ZNF728: variants seen among roughly 807,000 people sequenced by gnomAD.
ZNF728 encodes zinc finger protein 728.
In ZNF728, 12 loss-of-function variants were observed where a neutral mutation model predicts 12.5. That is an observed-to-expected ratio of 0.96 (90% CI 0.61 to 1.55). The LOEUF is 1.55. Among genes scored for constraint, ZNF728 ranks in the 40% most tolerant of loss-of-function variants. The pLI is 0.00. For missense variants in ZNF728, 692 were observed against 719.2 expected (o/e 0.96, Z 0.43); for synonymous variants, 205 against 240.7 (o/e 0.85, Z 1.37).
chr19:22,981,186 A>C (rs1165242593), intron 3 of ZNF728, among the ~76,000 whole-genome samples: 1 of 152,174 alleles, frequency 6.6e-6, no homozygotes, highest in East Asian at 1.9e-4. Context: ...AATCAAAAAT[A>C]ATAAAGGGGA....
rs529499967 is a variant in ZNF728 at position 23,003,133 on chromosome 19, C to G, written c.-103G>C. On this transcript the variant is annotated 5_prime_UTR_variant, in exon 1 of 4. Transcript: ENST00000594710. ...GCCTTTAGGAGCGGACGACACACAG[C>G]AGTAAGGACGACACCTTGACCTCCG... 3 of 1,380,520 alleles carry G rather than the reference C, an allele frequency of 2.2e-6. No homozygotes were observed. In the South Asian group the frequency reaches 4.4e-5, roughly 20 times the overall value. 85.5% of individuals were successfully genotyped at this position (1,380,520 alleles called of 1,614,324 possible).
Position 22,976,016 on chromosome 19 carries a change from T to G in ZNF728, c.1321A>C (p.Lys441Gln), listed in dbSNP as rs1568273380. The G allele has an allele frequency of 6.3e-7, 1 of 1,590,210 alleles. No homozygotes were observed. Among genetic ancestry groups the G allele is most frequent in the Admixed American group, 1.7e-5 (1 of 59,300 alleles). ...KAFTTFSSLTKHKVIHTGEKH... is the reference protein window; with the variant it reads ...KAFTTFSSLTQHKVIHTGEKH... The stretch of plus-strand genomic sequence containing the variant: ...TCTCCAGTATGAATTACTTTATGTT[T>G]AGTAAGGCTCGAAAATGTAGTAAAG... The change falls in exon 4 of 4, where the codon AAA becomes CAA. Residue 441 changes from lysine (K) to glutamine (Q), a missense_variant. Lys to Gln is a moderately conservative substitution (Grantham distance 53). This residue lies in a region of ZNF728 where 244 missense variants were observed against 235.2 expected (regional missense o/e 1.04). Coordinates refer to ENST00000594710, the MANE Select transcript of ZNF728 (RefSeq NM_001267716.2).
At position 22,976,564 on chromosome 19, in the gene ZNF728, CA is replaced by C; in HGVS notation, c.772del (p.Cys258ValfsTer103). Reference protein sequence around the residue: ...VIHTGEKHYKCEECGKAFTRS... With the variant: ...VIHTGEKHYKXEECGKAFTRS... ...GGTGAAGGCTTTGCCACATTCTTCA[CA>C]TTTGTAATGTTTCTCTCCAGTATGA... On this transcript the variant is annotated frameshift_variant, in exon 4 of 4. Transcript: ENST00000594710. LOFTEE classifies it low-confidence loss of function (END_TRUNC). 1 of 1,611,306 alleles carries C rather than the reference CA, an allele frequency of 6.2e-7. No homozygotes were observed. Among genetic ancestry groups the C allele is most frequent in the Non-Finnish European group, 8.5e-7 (1 of 1,178,682 alleles).
Position 22,976,465 on chromosome 19 carries a change from T to A in ZNF728, c.872A>T (p.Lys291Ile), listed in dbSNP as rs1411045647. The change falls in exon 4 of 4, where the codon AAA becomes ATA. Residue 291 changes from lysine (K) to isoleucine (I), a missense_variant. Lys to Ile is a moderately radical substitution (Grantham distance 102). Coordinates refer to ENST00000594710, the MANE Select transcript of ZNF728 (RefSeq NM_001267716.2). The stretch of plus-strand genomic sequence containing the variant: ...AAGGGTTGAGGCCTTACTAAAGGCT[T>A]TGCCACATTCTTCACATTTGTAGGG... ...EKPYKCEECGKAFSKASTLTA... is the reference protein window; with the variant it reads ...EKPYKCEECGIAFSKASTLTA... 1 of 1,613,082 alleles carries A rather than the reference T, an allele frequency of 6.2e-7. No homozygotes were observed. Among genetic ancestry groups the A allele is most frequent in the East Asian group, 2.2e-5 (1 of 44,868 alleles).
rs1366370535 is a variant in ZNF728, at chr19:22,999,811, G to A, written c.3+3217C>T. ...TTCTAGGAGGTACCAAATTTCATCA[G>A]ATAAAATTTAGCATTAAACTCAGAA... is the stretch of plus-strand genomic sequence containing the variant. On this transcript the variant is annotated intron_variant, in intron 1 of 3. Coordinates refer to ENST00000594710, the MANE Select transcript of ZNF728 (RefSeq NM_001267716.2). Among the ~76,000 whole-genome samples, 13 of 152,172 alleles carry A rather than the reference G, an allele frequency of 8.5e-5. No individual in the cohort carries two copies. In the East Asian group the frequency reaches 2.5e-3, roughly 29 times the overall value.
chr19:22,984,352 A>C (rs1968891633), intron 3 of ZNF728, among the ~76,000 whole-genome samples: 1 of 152,034 alleles, frequency 6.6e-6, no homozygotes, highest in Admixed American at 6.6e-5. Flanking sequence ...TGAGGTCAGG[A>C]GATAGAGACC....
At chr19:22,991,658 T>C (rs918993549) in intron 1 of ZNF728, among the ~76,000 whole-genome samples, 12 of 152,200 alleles carry the variant, frequency 7.9e-5, no homozygotes, top group African/African-American at 2.9e-4. Context: ...TCAGAAAATG[T>C]TGAGCACCAG....
At chr19:22,978,365 A>G (rs552143313) in intron 3 of ZNF728, among the ~76,000 whole-genome samples, 3 of 152,222 alleles carry the variant, frequency 2.0e-5, no homozygotes, top group Admixed American at 1.3e-4. Flanking sequence ...CTGTCCTAAT[A>G]GAAAAAAAAC....
chr19:22,975,508 T>C lies in ZNF728; in HGVS notation c.1829A>G (p.His610Arg). 1 of 1,557,410 alleles carries C rather than the reference T, an allele frequency of 6.4e-7. No homozygotes were observed. Among genetic ancestry groups the C allele is most frequent in the African/African-American group, 1.4e-5 (1 of 72,892 alleles). Residue 610 changes from histidine to arginine, a missense_variant, in exon 4 of 4, where the codon CAT (histidine) becomes CGT (arginine). Physicochemically the swap from His to Arg is conservative, Grantham distance 29. Around this residue, in one of 3 missense-constraint regions of ZNF728, gnomAD observed 244 missense variants for 235.2 expected, o/e 1.04. Coordinates refer to ENST00000594710, the MANE Select transcript of ZNF728 (RefSeq NM_001267716.2). ...TTTTCCTCCAGTATGAATTCTCTTA[T>C]GAGTAGTAAGGTGTGAGGATTGGTT... ...DFNQSSHLTT[H>R]KRIHTGGKTL...
intron 1 of ZNF728, among the ~76,000 whole-genome samples, chr19:22,990,857 G>A (rs1181370793): frequency 2.0e-5 from 3 of 152,098 alleles, no homozygotes; most frequent in African/African-American, 7.2e-5. Context: ...CCTTAACTAA[G>A]ACTAAGCATT....
chr19:22,982,643 G>A (rs756652174), intron 3 of ZNF728, among the ~76,000 whole-genome samples: 3 of 152,024 alleles, frequency 2.0e-5, no homozygotes, highest in Non-Finnish European at 4.4e-5. Flanking sequence ...AAAACAGTAC[G>A]GTACTGGTAT....
At chr19:22,992,712 A>G (rs1446724244) in intron 1 of ZNF728, among the ~76,000 whole-genome samples, 1 of 152,236 alleles carries the variant, frequency 6.6e-6, no homozygotes, top group Non-Finnish European at 1.5e-5. Flanking sequence ...CTTCTTGTAT[A>G]AGGGGAGAAA....
intron 1 of ZNF728, among the ~76,000 whole-genome samples, chr19:22,998,354 TA>T (rs35334611): frequency 0.019 from 2,585 of 138,028 alleles, 42 homozygotes; most frequent in Admixed American, 0.025. Context: ...ATCCCATCTA[TA>T]AAAAAAAAAA....
At chr19:22,990,080 T>C (rs1313099763) in intron 1 of ZNF728, among the ~76,000 whole-genome samples, 2 of 152,152 alleles carry the variant, frequency 1.3e-5, no homozygotes, top group East Asian at 3.8e-4. Context: ...CTCTGGTATA[T>C]AGAAAAAAAT....
chr19:22,998,273 C>A (rs1303296569), intron 1 of ZNF728, among the ~76,000 whole-genome samples: 2 of 139,092 alleles, frequency 1.4e-5, no homozygotes, highest in Non-Finnish European at 3.2e-5. Flanking sequence ...TGTAATCCAG[C>A]ACTTTGGGGG....
At chr19:22,991,669 C>T (rs1328697107) in intron 1 of ZNF728, among the ~76,000 whole-genome samples, 3 of 152,178 alleles carry the variant, frequency 2.0e-5, no homozygotes, top group African/African-American at 7.2e-5. Flanking sequence ...TGAGCACCAG[C>T]TCTAAAAAGG....
intron 3 of ZNF728, among the ~76,000 whole-genome samples, chr19:22,983,276 T>C (rs1382443500): frequency 1.3e-5 from 2 of 152,126 alleles, no homozygotes; most frequent in African/African-American, 2.4e-5. Context: ...TCACTGGTCA[T>C]TAGAGAAATG....
At chr19:22,978,563 G>A (rs1968829820) in intron 3 of ZNF728, among the ~76,000 whole-genome samples, 1 of 152,162 alleles carries the variant, frequency 6.6e-6, no homozygotes, top group African/African-American at 2.4e-5. Context: ...CTCCTAATTG[G>A]GAGGCACCTC....
Position 22,982,642 on chromosome 19 carries a change from C to T in ZNF728, c.226+4666G>A, listed in dbSNP as rs370967325. ...CAAGGCTACAGTAACAAAAACAGTACGGTACTGGTATCAAAACAGATATAT... is the reference window on the plus strand; with the variant it reads ...CAAGGCTACAGTAACAAAAACAGTATGGTACTGGTATCAAAACAGATATAT... On this transcript the variant is annotated intron_variant, in intron 3 of 3. Transcript: ENST00000594710. Among the ~76,000 whole-genome samples, 31 of 152,064 alleles carry T rather than the reference C, an allele frequency of 2.0e-4. 1 individual carries two copies. The East Asian group carries it at 2.5e-3, about 12-fold the overall frequency.
Sources: allele counts gnomAD v4.1 joint callset (sites outside exome capture counted in the v4.1 genomes callset), GRCh38; gene constraint gnomAD v4.1.1; regional missense constraint gnomAD v4.1.1; transcripts MANE v1.5; gene names NCBI Gene and HGNC (gene_info 2026-07-23, HGNC 2026-07-21).